MORN4: variants seen among roughly 807,000 people sequenced by gnomAD.
The protein encoded by MORN4 is MORN repeat-containing protein 4.
MORN4 carries 8 observed loss-of-function variants against 16.4 expected under a neutral mutation model. That is an observed-to-expected ratio of 0.49 (90% CI 0.29 to 0.88). The LOEUF (loss-of-function observed/expected upper bound fraction) is 0.88. Among genes scored for constraint, MORN4 ranks in the 40% least tolerant of loss-of-function variants. The pLI, the probability that MORN4 is intolerant of heterozygous loss-of-function variation, is 0.09. For missense variants in MORN4, 159 were observed against 182.9 expected (o/e 0.87, Z 0.75); for synonymous variants, 53 against 68.9 (o/e 0.77, Z 1.14).
intron 1 of MORN4, among the ~76,000 whole-genome samples, chr10:97,620,951 T>C (rs1013626537): frequency 6.6e-6 from 1 of 151,906 alleles, no homozygotes; most frequent in African/African-American, 2.4e-5. Context: ...TAAAACCCCA[T>C]CTCTACTAAA....
At chr10:97,627,720 A>T (rs1053123499) in intron 1 of MORN4, among the ~76,000 whole-genome samples, 6 of 152,230 alleles carry the variant, frequency 3.9e-5, no homozygotes, top group African/African-American at 1.4e-4. Flanking sequence ...TTATCAGTCA[A>T]GCATTCCATT....
chr10:97,615,980 G>T lies in MORN4; in HGVS notation c.*283C>A. The T allele has an allele frequency of 3.8e-6, 1 of 264,214 alleles. No homozygotes were observed. The highest frequency in any genetic ancestry group is 7.1e-6 in the Non-Finnish European group (1 of 140,528). The allele number at this position is 264,214 out of a possible 1,614,324, so 16.4% of individuals were successfully genotyped here. A position where few individuals can be genotyped will look rare whatever the true frequency, so the allele number is the denominator to read the frequency against. On this transcript the variant is annotated 3_prime_UTR_variant, in exon 5 of 5. Transcript: ENST00000307450. ...TACACTGGGTAACCTGAGGTCTTAG[G>T]AACAGAGTATCAACCAGTGAGAAGA...
At chr10:97,624,918 C>T (rs991398498) in intron 1 of MORN4, among the ~76,000 whole-genome samples, 1 of 152,148 alleles carries the variant, frequency 6.6e-6, no homozygotes, top group Non-Finnish European at 1.5e-5. Context: ...CTCAGGTGAT[C>T]CTGACCTCAG....
chr10:97,631,939 CA>C lies in MORN4; in HGVS notation c.-31+1407del, dbSNP rs199501532. Among the ~76,000 whole-genome samples, 50 of 143,942 alleles carry C rather than the reference CA, an allele frequency of 3.5e-4. 1 individual carries two copies. Among genetic ancestry groups the C allele is most frequent in the Non-Finnish European group, 7.8e-5 (5 of 64,378 alleles). 94.4% of individuals were successfully genotyped at this position (143,942 alleles called of 152,430 possible). On this transcript the variant is annotated intron_variant, in intron 1 of 4. Transcript: ENST00000307450. ...TGGGCAACAGAGCCAGACCTTGTCT[CA>C]AAAAAAAGAAAAGAAAAGCAAAACA...
intron 1 of MORN4, among the ~76,000 whole-genome samples, chr10:97,628,824 G>A (rs988369193): frequency 1.3e-5 from 2 of 152,128 alleles, no homozygotes; most frequent in Non-Finnish European, 2.9e-5. Flanking sequence ...GAGCCACCAC[G>A]CCCAGCCCCT....
chr10:97,629,177 C>T (rs917297289), intron 1 of MORN4, among the ~76,000 whole-genome samples: 4 of 151,990 alleles, frequency 2.6e-5, no homozygotes, highest in African/African-American at 7.2e-5. Context: ...CACCTGAGGT[C>T]GGAAGTTCAA....
chr10:97,631,502 G>A (rs1042884483), intron 1 of MORN4, among the ~76,000 whole-genome samples: 2 of 151,924 alleles, frequency 1.3e-5, no homozygotes, highest in African/African-American at 4.8e-5. Context: ...ACAGAACTCT[G>A]AGGCAATAAC....
At chr10:97,620,676 C>T (rs540667366) in intron 1 of MORN4, among the ~76,000 whole-genome samples, 10 of 151,718 alleles carry the variant, frequency 6.6e-5, no homozygotes, top group Middle Eastern at 3.4e-3. Context: ...CATGTAGCCA[C>T]AATCTTAAAT....
chr10:97,626,066 C>CAT (rs760242221), intron 1 of MORN4, among the ~76,000 whole-genome samples: 13 of 140,798 alleles, frequency 9.2e-5, no homozygotes, highest in African/African-American at 3.4e-4. Context: ...AGCCTCATGC[C>CAT]TTTTTTTTTT....
chr10:97,626,227 A>G (rs2135740782), intron 1 of MORN4, among the ~76,000 whole-genome samples: 1 of 151,774 alleles, frequency 6.6e-6, no homozygotes, highest in East Asian at 2.0e-4. Flanking sequence ...AAACACAAAA[A>G]TTAGCCAGGC....
At chr10:97,622,517 C>T (rs903489028) in intron 1 of MORN4, among the ~76,000 whole-genome samples, 1 of 151,854 alleles carries the variant, frequency 6.6e-6, no homozygotes, top group Non-Finnish European at 1.5e-5. Flanking sequence ...GAAACCCCAT[C>T]TGTACCAAAA....
chr10:97,616,610 C>T, intron 4 of MORN4, 68 bp downstream of exon 4: 1 of 1,385,146 alleles, frequency 7.2e-7, no homozygotes, highest in Non-Finnish European at 1.0e-6. Flanking sequence ...AGGATTAAAA[C>T]TAAACAGGTA....
intron 1 of MORN4, among the ~76,000 whole-genome samples, chr10:97,621,063 G>A (rs2135737024): frequency 1.3e-5 from 2 of 152,184 alleles, no homozygotes; most frequent in East Asian, 3.9e-4. Context: ...AGAGGTTGCA[G>A]TGAGCTGAGA....
intron 1 of MORN4, among the ~76,000 whole-genome samples, chr10:97,621,981 C>T (rs1036375704): frequency 1.3e-5 from 2 of 152,172 alleles, no homozygotes; most frequent in South Asian, 4.1e-4. Context: ...GTCTGCAAAG[C>T]ACCTGTGCAC....
chr10:97,616,495 C>T (rs988812445), intron 4 of MORN4, 84 bp from the exon 5 acceptor site: 3 of 1,462,280 alleles, frequency 2.1e-6, no homozygotes, highest in African/African-American at 1.4e-5. Context: ...TTGATATGTC[C>T]AGGCCAAAGA....
chr10:97,623,895 C>T (rs2041326160), intron 1 of MORN4, among the ~76,000 whole-genome samples: 2 of 151,974 alleles, frequency 1.3e-5, no homozygotes, highest in African/African-American at 4.8e-5. Flanking sequence ...ACCACGACGC[C>T]CCACTAACTT....
At position 97,619,494 on chromosome 10, in the gene MORN4, T is replaced by G. The variant is rs201256517; in HGVS notation, c.67+93A>C. The stretch of plus-strand genomic sequence containing the variant: ...TGGAATTAAATCCTGGAGTTGAAAA[T>G]GAAGATCCATAAAGTTGGCTATATA... On this transcript the variant is annotated intron_variant, in intron 2 of 4. Coordinates refer to ENST00000307450, the MANE Select transcript of MORN4 (RefSeq NM_178832.4). The G allele has an allele frequency of 2.3e-3, 1,994 of 871,434 alleles. 6 individuals are homozygous for G. Among genetic ancestry groups the G allele is most frequent in the Non-Finnish European group, 3.4e-3 (1,693 of 502,398 alleles). The allele number at this position is 871,434 out of a possible 1,614,324, so 54.0% of individuals were successfully genotyped here. A position where few individuals can be genotyped will look rare whatever the true frequency, so the allele number is the denominator to read the frequency against.
intron 2 of MORN4, among the ~76,000 whole-genome samples, chr10:97,617,941 G>C (rs994191580): frequency 1.3e-5 from 2 of 152,092 alleles, no homozygotes; most frequent in African/African-American, 4.8e-5. Context: ...GGAGGCCGAG[G>C]AGGCGGGCAG....
intron 1 of MORN4, among the ~76,000 whole-genome samples, chr10:97,627,052 C>T (rs755477186): frequency 1.5e-4 from 22 of 151,166 alleles, no homozygotes; most frequent in Non-Finnish European, 2.7e-4. Flanking sequence ...TCACTGTGCC[C>T]GGCCTGATTT....
Sources: allele counts gnomAD v4.1 joint callset (sites outside exome capture counted in the v4.1 genomes callset), GRCh38; gene constraint gnomAD v4.1.1; transcripts MANE v1.5; gene names NCBI Gene and HGNC (gene_info 2026-07-23, HGNC 2026-07-21).